MYH11: variants seen among roughly 807,000 people sequenced by gnomAD.
The protein encoded by MYH11 is myosin heavy chain 11, also known as myosin-11.
In MYH11, 80 loss-of-function variants were observed where a neutral mutation model predicts 246.6. The ratio of observed to expected loss-of-function variants is 0.32; its 90% confidence interval spans 0.27 to 0.39. The LOEUF (loss-of-function observed/expected upper bound fraction) is 0.39, where lower values mean the gene tolerates loss of function less well. Ranked by LOEUF, MYH11 falls within the 10% of genes least tolerant of loss-of-function variation. The probability of loss-of-function intolerance (pLI) is 1.00; values close to 1 mark genes in which losing one functional copy is unlikely to be tolerated. For synonymous variants in MYH11, 1,071 were observed against 1,015.5 expected (o/e 1.05, Z -1.04); for missense variants, 2,158 against 2,546.8 (o/e 0.85, Z 3.29).
intron 8 of MYH11, chr16:15,775,761 T>C (rs1346338225): frequency 2.8e-6 from 1 of 363,262 alleles, no homozygotes; most frequent in Non-Finnish European, 5.0e-6. Flanking sequence ...CTTTCTCCCT[T>C]TCCTTGAAGG....
At chr16:15,768,869 G>T (rs1024040689) in intron 9 of MYH11, among the ~76,000 whole-genome samples, 1 of 152,150 alleles carries the variant, frequency 6.6e-6, no homozygotes, top group African/African-American at 2.4e-5. Flanking sequence ...CTGGGGACTG[G>T]GCATGGTGGC....
rs527371921 is a variant in MYH11, at chr16:15,800,471, G to A, written c.503-1784C>T. 2.3e-4 allele frequency among the ~76,000 whole-genome samples: 33 copies of A among 146,642 alleles called. No homozygotes were observed. The South Asian group carries it at 4.3e-3, about 19-fold the overall frequency. On this transcript the variant is annotated intron_variant, in intron 3 of 40. Transcript: ENST00000300036. ...GGAGGGAAGGGTGTGTAGATGGGTA[G>A]ATGGGTGGGTATATAGCTGGTTGGA...
At chr16:15,712,072 A>G (rs2151183295) in intron 40 of MYH11, among the ~76,000 whole-genome samples, 1 of 152,232 alleles carries the variant, frequency 6.6e-6, no homozygotes, top group East Asian at 1.9e-4. Context: ...AAACGTTAAG[A>G]AGGACCACGA....
intron 3 of MYH11, among the ~76,000 whole-genome samples, chr16:15,803,206 T>C (rs2042928865): frequency 6.6e-6 from 1 of 151,820 alleles, no homozygotes; most frequent in Admixed American, 6.6e-5. Context: ...GACAGACAGA[T>C]ACCCGTGCCT....
intron 4 of MYH11, among the ~76,000 whole-genome samples, chr16:15,789,720 C>T (rs538300714): frequency 8.5e-5 from 13 of 152,286 alleles, no homozygotes; most frequent in South Asian, 6.2e-4. Context: ...ATCAGGCTAA[C>T]GTCAGAACCT....
intron 1 of MYH11, among the ~76,000 whole-genome samples, chr16:15,848,497 G>C (rs1057363057): frequency 2.0e-5 from 3 of 152,104 alleles, no homozygotes; most frequent in African/African-American, 7.2e-5. Context: ...GCCCCCCAAA[G>C]TGCTGGGATT....
intron 40 of MYH11, among the ~76,000 whole-genome samples, chr16:15,706,989 G>A (rs2039490710): frequency 1.3e-5 from 2 of 152,180 alleles, no homozygotes; most frequent in Non-Finnish European, 2.9e-5. Context: ...ACCTGTTACA[G>A]GAACTAAGGG....
intron 3 of MYH11, among the ~76,000 whole-genome samples, chr16:15,818,560 G>C (rs1433466828): frequency 6.8e-6 from 1 of 147,682 alleles, no homozygotes; most frequent in Non-Finnish European, 1.5e-5. Flanking sequence ...AGCACCCCCT[G>C]AGTAGCTGGG....
chr16:15,822,620 CAGG>C (rs2043444131), intron 3 of MYH11, among the ~76,000 whole-genome samples: 2 of 152,160 alleles, frequency 1.3e-5, no homozygotes, highest in South Asian at 4.1e-4. Context: ...GAGGCTGAGG[CAGG>C]AGAATTGCTT....
rs552884366 is a variant in MYH11 at position 15,738,474 on chromosome 16, C to T, written c.3121+91G>A. ...GCTGCAGTGAGCCATGATCGCACCA[C>T]TGCACTGCAGCCTGGGCAACAGAGC... On this transcript the variant is annotated intron_variant, in intron 24 of 40. Transcript: ENST00000300036. The T allele has an allele frequency of 5.5e-6, 7 of 1,271,052 alleles. No individual in the cohort carries two copies. The South Asian group carries it at 8.2e-5, about 15-fold the overall frequency. 78.7% of individuals were successfully genotyped at this position (1,271,052 alleles called of 1,614,324 possible).
At chr16:15,757,181 G>A (rs1567733570) in intron 13 of MYH11, among the ~76,000 whole-genome samples, 1 of 150,894 alleles carries the variant, frequency 6.6e-6, no homozygotes, top group African/African-American at 2.4e-5. Flanking sequence ...TTTGGAGACA[G>A]GGTCTCACTC....
intron 16 of MYH11, 49 bp from the exon 17 acceptor site, chr16:15,748,217 C>A (rs201707936): frequency 1.2e-6 from 2 of 1,609,572 alleles, no homozygotes; most frequent in East Asian, 2.2e-5. Flanking sequence ...GAAACCATGG[C>A]GCAGCAAAGC....
chr16:15,781,921 C>G (rs951120022), intron 6 of MYH11, among the ~76,000 whole-genome samples: 1 of 152,150 alleles, frequency 6.6e-6, no homozygotes, highest in Admixed American at 6.5e-5. Flanking sequence ...TAGGTACTTA[C>G]TAAGTATTTC....
rs148464745 is a variant in MYH11 at position 15,838,196 on chromosome 16, G to T, written c.57C>A (p.Asn19Lys). 6.2e-7 allele frequency: 1 copy of T among 1,614,148 alleles called. No individual in the cohort carries two copies. The highest frequency in any genetic ancestry group is 2.2e-5 in the East Asian group (1 of 44,864). Residue 19 changes from asparagine (N) to lysine (K), a missense_variant, in exon 2 of 41, where the codon AAC becomes AAA. Asn to Lys is a moderately conservative substitution (Grantham distance 94, BLOSUM62 0). Transcript: ENST00000300036. ...DDEKFLFVDK[N>K]FINSPVAQAD... The stretch of plus-strand genomic sequence containing the variant: ...CCTGGGCCACTGGGCTGTTGATGAA[G>T]TTTTTGTCCACAAAGAGGAACTTCT...
At chr16:15,773,043 C>T (rs2042140843) in intron 8 of MYH11, among the ~76,000 whole-genome samples, 1 of 152,074 alleles carries the variant, frequency 6.6e-6, no homozygotes, top group Non-Finnish European at 1.5e-5. Context: ...ATGTAATACA[C>T]GTGAATCATC....
intron 1 of MYH11, among the ~76,000 whole-genome samples, chr16:15,843,679 G>A (rs1189749161): frequency 2.1e-5 from 3 of 145,584 alleles, no homozygotes; most frequent in African/African-American, 2.5e-5. Flanking sequence ...CAGCCTGGAC[G>A]ACAGAGTGAG....
At chr16:15,736,161 A>C (rs1241196227) in intron 25 of MYH11, among the ~76,000 whole-genome samples, 1 of 152,204 alleles carries the variant, frequency 6.6e-6, no homozygotes. Context: ...GGGCAGCAAC[A>C]AGAGAGAAAG....
intron 3 of MYH11, among the ~76,000 whole-genome samples, chr16:15,820,930 T>C (rs1275042696): frequency 6.6e-6 from 1 of 152,206 alleles, no homozygotes; most frequent in Non-Finnish European, 1.5e-5. Flanking sequence ...TGGAATGCAG[T>C]GGCGTGATCT....
chr16:15,830,678 G>C (rs2043711239), intron 2 of MYH11, among the ~76,000 whole-genome samples: 1 of 152,124 alleles, frequency 6.6e-6, no homozygotes, highest in Non-Finnish European at 1.5e-5. Context: ...AGGAGTTCAA[G>C]ACCAGCCTGG....
Sources: allele counts gnomAD v4.1 joint callset (sites outside exome capture counted in the v4.1 genomes callset), GRCh38; gene constraint gnomAD v4.1.1; transcripts MANE v1.5; gene names NCBI Gene and HGNC (gene_info 2026-07-23, HGNC 2026-07-21).